GLCCI1: variants seen among roughly 807,000 people sequenced by gnomAD.
The protein encoded by GLCCI1 is glucocorticoid-induced transcript 1 protein.
In GLCCI1, 24 loss-of-function variants were observed where a neutral mutation model predicts 52.2. The observed-to-expected ratio is 0.46, with a 90% confidence interval of 0.33 to 0.65. The LOEUF (loss-of-function observed/expected upper bound fraction) is 0.65, where lower values mean the gene tolerates loss of function less well. Ranked by LOEUF, GLCCI1 falls within the 30% of genes least tolerant of loss-of-function variation. The probability of loss-of-function intolerance (pLI) is 0.02; values close to 1 mark genes in which losing one functional copy is unlikely to be tolerated. For missense variants in GLCCI1, 704 were observed against 701.5 expected, an observed-to-expected ratio of 1.00 and a Z score of -0.04; for synonymous variants, 310 against 276.5, an observed-to-expected ratio of 1.12 and a Z score of -1.20.
chr7:8,028,749 A>T (rs2127950869), intron 3 of GLCCI1, among the ~76,000 whole-genome samples: 1 of 152,268 alleles, frequency 6.6e-6, no homozygotes, highest in East Asian at 1.9e-4. Context: ...TACCCAAATA[A>T]ATTAGAGGTG....
intron 3 of GLCCI1, among the ~76,000 whole-genome samples, chr7:8,049,201 T>G (rs747538120): frequency 6.6e-6 from 1 of 152,116 alleles, no homozygotes; most frequent in Non-Finnish European, 1.5e-5. Context: ...TCAAAAGTGT[T>G]TAATGAGTAT....
rs150047985 is a variant in GLCCI1 at position 8,003,264 on chromosome 7, A to G, written c.458-644A>G. 6.9e-3 allele frequency among the ~76,000 whole-genome samples: 1,049 copies of G among 152,308 alleles called. 8 individuals carry two copies. Among genetic ancestry groups the G allele is most frequent in the African/African-American group, 0.024 (994 of 41,556 alleles). On this transcript the variant is annotated intron_variant, in intron 1 of 7. Coordinates refer to ENST00000223145, the MANE Select transcript of GLCCI1 (RefSeq NM_138426.4). ...GAAACTTTCACAGAGGCAGTGTGAC[A>G]TCTGAACTGGTCTTGAAGATAAATG...
chr7:8,052,240 C>G (rs1782273437), intron 3 of GLCCI1, among the ~76,000 whole-genome samples: 1 of 152,100 alleles, frequency 6.6e-6, no homozygotes, highest in Non-Finnish European at 1.5e-5. Flanking sequence ...CAGTCTGGTG[C>G]CTTAATGCTT....
At chr7:7,996,063 G>C (rs1262197230) in intron 1 of GLCCI1, among the ~76,000 whole-genome samples, 4 of 152,148 alleles carry the variant, frequency 2.6e-5, no homozygotes, top group Non-Finnish European at 5.9e-5. Flanking sequence ...AATTTTCCAA[G>C]CTGTGGTGCT....
intron 1 of GLCCI1, chr7:7,981,483 T>C (rs37982): frequency 0.58 from 108,907 of 189,208 alleles, 31,922 homozygotes; most frequent in African/African-American, 0.68. Flanking sequence ...CCACCACACC[T>C]GGCTAATTTT....
At chr7:7,972,981 A>C (rs1316424089) in intron 1 of GLCCI1, among the ~76,000 whole-genome samples, 1 of 151,990 alleles carries the variant, frequency 6.6e-6, no homozygotes, top group Admixed American at 6.6e-5. Flanking sequence ...TGTATTTTTA[A>C]AACTTCAAGG....
Position 8,071,037 on chromosome 7 carries a change from C to T in GLCCI1, c.1083C>T (p.Ser361=). 2.5e-6 allele frequency: 4 copies of T among 1,614,144 alleles called. No homozygotes were observed. Among genetic ancestry groups the T allele is most frequent in the Non-Finnish European group, 3.4e-6 (4 of 1,179,992 alleles). Residue 361 remains serine (S), a synonymous_variant, in exon 6 of 8, where the codon AGC becomes AGT. Coordinates refer to ENST00000223145, the MANE Select transcript of GLCCI1 (RefSeq NM_138426.4). ...PSVQERSSSC[S]SHSPCVSPFC... The stretch of plus-strand genomic sequence containing the variant: ...TCCAGGAGCGCAGCAGTAGCTGCAG[C>T]AGTCATTCACCCTGTGTCTCCCCTT...
rs1317243896 is a variant in GLCCI1, at chr7:8,086,675, TGATCTTG to T, written c.*139_*145del. On this transcript the variant is annotated 3_prime_UTR_variant, in exon 8 of 8. Coordinates refer to ENST00000223145, the MANE Select transcript of GLCCI1 (RefSeq NM_138426.4). This position sits in a 1 kb window ranked among gnomAD's most constrained non-coding sequence, Gnocchi z 4.4. Reference sequence around the variant, plus strand: ...GCATCATAAAGTATCTCTTAAACACTGATCTTGGCAGGGACGGAACTCCTATTCAGCA... The same window carrying T: ...GCATCATAAAGTATCTCTTAAACACTGCAGGGACGGAACTCCTATTCAGCA... 3 of 732,816 alleles carry T rather than the reference TGATCTTG, an allele frequency of 4.1e-6. No individual in the cohort carries two copies. The highest frequency in any genetic ancestry group is 3.5e-5 in the African/African-American group (2 of 56,474). The allele number at this position is 732,816 out of a possible 1,614,324, so 45.4% of individuals were successfully genotyped here.
At chr7:7,986,964 A>G (rs1040101935) in intron 1 of GLCCI1, among the ~76,000 whole-genome samples, 5 of 152,016 alleles carry the variant, frequency 3.3e-5, no homozygotes, top group African/African-American at 9.7e-5. Context: ...TGTCCTAATT[A>G]TTACTTCTTG....
chr7:8,015,418 AGG>A (rs1393515728), intron 2 of GLCCI1, among the ~76,000 whole-genome samples: 1 of 152,208 alleles, frequency 6.6e-6, no homozygotes, highest in African/African-American at 2.4e-5. Flanking sequence ...GAAACATTTT[AGG>A]GGCTGGGGGA....
intron 1 of GLCCI1, among the ~76,000 whole-genome samples, chr7:7,989,478 T>C (rs1453044401): frequency 6.6e-6 from 1 of 152,102 alleles, no homozygotes; most frequent in Non-Finnish European, 1.5e-5. Flanking sequence ...ATTCAAGTTG[T>C]TTTTTTCACT....
At chr7:8,056,192 G>C (rs1395371292) in intron 4 of GLCCI1, among the ~76,000 whole-genome samples, 2 of 151,792 alleles carry the variant, frequency 1.3e-5, no homozygotes, top group African/African-American at 4.8e-5. Flanking sequence ...CCAGCTATTC[G>C]GAGACTGAGG....
rs1370364652 is a variant in GLCCI1 at position 8,087,294 on chromosome 7, T to G, written c.*756T>G. On this transcript the variant is annotated 3_prime_UTR_variant, in exon 8 of 8. Coordinates refer to ENST00000223145, the MANE Select transcript of GLCCI1 (RefSeq NM_138426.4). ...AAAATCTGTGGTGTTTGACATCACT[T>G]TGTCATGTGGTTACAAGTAAAACAA... 2 of 152,656 alleles carry G rather than the reference T, an allele frequency of 1.3e-5. No individual in the cohort carries two copies. Among genetic ancestry groups the G allele is most frequent in the Non-Finnish European group, 2.9e-5 (2 of 68,040 alleles). 9.5% of individuals were successfully genotyped at this position (152,656 alleles called of 1,614,324 possible). A position where few individuals can be genotyped will look rare whatever the true frequency, so the allele number is the denominator to read the frequency against.
At position 8,078,151 on chromosome 7, in the gene GLCCI1, A is replaced by G. The variant is rs184450017; in HGVS notation, c.1178-6746A>G. 6.4e-3 allele frequency among the ~76,000 whole-genome samples: 945 copies of G among 146,776 alleles called. 9 individuals are homozygous for G. Among genetic ancestry groups the G allele is most frequent in the African/African-American group, 0.022 (861 of 39,478 alleles). On this transcript the variant is annotated intron_variant, in intron 6 of 7. Coordinates refer to ENST00000223145, the MANE Select transcript of GLCCI1 (RefSeq NM_138426.4). ...CGGGAGGCTGAGGCAGGAGAATGGC[A>G]TGAACCGAGATCACACCACTGCACT...
intron 2 of GLCCI1, among the ~76,000 whole-genome samples, chr7:8,015,359 CT>C (rs1781356962): frequency 6.6e-6 from 1 of 152,226 alleles, no homozygotes; most frequent in African/African-American, 2.4e-5. Context: ...TTCCTGTGCC[CT>C]TGTCAAAGGG....
chr7:8,085,527 G>A (rs929571142), intron 7 of GLCCI1, among the ~76,000 whole-genome samples: 1 of 152,190 alleles, frequency 6.6e-6, no homozygotes, highest in African/African-American at 2.4e-5. Context: ...TAAACACTGG[G>A]CAGAGTAGCT....
At chr7:8,023,051 T>C (rs1014874782) in intron 3 of GLCCI1, among the ~76,000 whole-genome samples, 18 of 152,256 alleles carry the variant, frequency 1.2e-4, no homozygotes, top group Non-Finnish European at 2.5e-4. Flanking sequence ...AGTCTCGCTC[T>C]GTTGCCCAGG....
chr7:8,025,184 A>G (rs1781587853), intron 3 of GLCCI1, among the ~76,000 whole-genome samples: 1 of 152,168 alleles, frequency 6.6e-6, no homozygotes, highest in Admixed American at 6.5e-5. Flanking sequence ...GAGTGGGCTC[A>G]GGCCACCGAT....
intron 3 of GLCCI1, among the ~76,000 whole-genome samples, chr7:8,046,282 T>G (rs1486527551): frequency 5.3e-5 from 8 of 152,088 alleles, no homozygotes; most frequent in Non-Finnish European, 1.2e-4. Flanking sequence ...AAAATAAAAT[T>G]CAGAGCCCTC....
Sources: allele counts gnomAD v4.1 joint callset (sites outside exome capture counted in the v4.1 genomes callset), GRCh38; gene constraint gnomAD v4.1.1; non-coding constraint Gnocchi (gnomAD v3.1); transcripts MANE v1.5; gene names NCBI Gene and HGNC (gene_info 2026-07-23, HGNC 2026-07-21).